The following CELF2 variants were observed in gnomAD, a reference collection of about 807,000 sequenced individuals.
CELF2 encodes CUG triplet repeat RNA-binding protein 2.
CELF2 carries 8 observed loss-of-function variants against 62.6 expected under a neutral mutation model. The observed-to-expected ratio is 0.13, with a 90% CI of 0.07 to 0.23. CELF2 has a LOEUF of 0.23. Among genes scored for constraint, CELF2 ranks in the 10% least tolerant of loss-of-function variants. The pLI is 1.00. For missense variants in CELF2, 333 were observed against 671.0 expected (o/e 0.50, Z 5.56); for synonymous variants, 258 against 250.0 (o/e 1.03, Z -0.30).
In CELF2 at chr10:11,017,983, C is replaced by T; in HGVS notation, c.-107C>T. ...GTGACAAGTGCCGGCTCGGCGGCCG[C>T]CGGGGGAGGCCGCGCGCACCTGTCC... is the stretch of plus-strand genomic sequence containing the variant. On this transcript the variant is annotated 5_prime_UTR_variant, in exon 1 of 13. Transcript: ENST00000633077. The surrounding 1 kb of genome is among the most constrained non-coding windows in gnomAD (Gnocchi z 5.5). The T allele has an allele frequency of 1.0e-6, 1 of 992,326 alleles. No individual in the cohort carries two copies. Among genetic ancestry groups the T allele is most frequent in the South Asian group, 4.6e-5 (1 of 21,936 alleles). The allele number at this position is 992,326 out of a possible 1,614,324, so 61.5% of individuals were successfully genotyped here. A position where few individuals can be genotyped will look rare whatever the true frequency, so the allele number is the denominator to read the frequency against.
At chr10:10,878,041 G>A (rs1182324404) in intron 1 of CELF2, among the ~76,000 whole-genome samples, 1 of 152,184 alleles carries the variant, frequency 6.6e-6, no homozygotes, top group African/African-American at 2.4e-5. Flanking sequence ...GAGGGGACCA[G>A]TGGACCTCCC....
the CELF2 span, among the ~76,000 whole-genome samples, chr10:10,470,789 C>A: frequency 4.0e-5 from 6 of 150,644 alleles, no homozygotes; most frequent in African/African-American, 1.5e-4. Context: ...CTTTCTTTTG[C>A]CATCTAGTAT....
At chr10:11,168,268 C>G (rs1297573980) in intron 2 of CELF2, among the ~76,000 whole-genome samples, 1 of 152,148 alleles carries the variant, frequency 6.6e-6, no homozygotes, top group African/African-American at 2.4e-5. Context: ...ACTGTGAACT[C>G]CAAGTCTCAC....
the CELF2 span, among the ~76,000 whole-genome samples, chr10:10,547,690 AGAGTGT>A: frequency 4.3e-4 from 57 of 131,118 alleles, no homozygotes; most frequent in South Asian, 5.5e-3. Context: ...AGAGAGAGAG[AGAGTGT>A]GTGTGTGTGT....
chr10:11,015,176 A>G (rs2057075212), upstream of CELF2, among the ~76,000 whole-genome samples: 1 of 152,218 alleles, frequency 6.6e-6, no homozygotes, highest in Non-Finnish European at 1.5e-5. The surrounding 1 kb of genome is among the most constrained non-coding windows in gnomAD (Gnocchi z 4.8). Context: ...ATGAAAATTA[A>G]AAAAGGGGCC....
At position 11,260,598 on chromosome 10, in the gene CELF2, A is replaced by G. The variant is rs1420788194; in HGVS notation, c.538+2726A>G. On this transcript the variant is annotated intron_variant, in intron 5 of 12. Transcript: ENST00000633077. The surrounding 1 kb of genome is among the most constrained non-coding windows in gnomAD (Gnocchi z 4.2). ...TGGGGAGCAGTCTCATCAATATTTT[A>G]TGCAAACGCTGGCTCAGTGGAAAGA... Among the ~76,000 whole-genome samples, 2 of 151,784 alleles carry G rather than the reference A, an allele frequency of 1.3e-5. No homozygotes were observed. Among genetic ancestry groups the G allele is most frequent in the Admixed American group, 6.6e-5 (1 of 15,260 alleles).
the CELF2 span, among the ~76,000 whole-genome samples, chr10:10,780,444 CAG>C: frequency 1.4e-5 from 2 of 145,588 alleles, no homozygotes; most frequent in Non-Finnish European, 3.0e-5. Flanking sequence ...ACAGTGATAA[CAG>C]AGGGAAACGT....
intron 2 of CELF2, among the ~76,000 whole-genome samples, chr10:11,172,550 T>C (rs2069272704): frequency 6.6e-6 from 1 of 152,234 alleles, no homozygotes; most frequent in East Asian, 1.9e-4. Context: ...AAATGCCCCA[T>C]ACTCTGGTGA....
At chr10:11,078,710 G>C (rs1229201471) in intron 1 of CELF2, among the ~76,000 whole-genome samples, 1 of 152,146 alleles carries the variant, frequency 6.6e-6, no homozygotes, top group Non-Finnish European at 1.5e-5. Context: ...TTCATGCACG[G>C]CTTGCAGAAA....
At chr10:10,493,672 C>T in the CELF2 span, among the ~76,000 whole-genome samples, 1 of 152,020 alleles carries the variant, frequency 6.6e-6, no homozygotes, top group Non-Finnish European at 1.5e-5. Context: ...GCTGGGATTA[C>T]AGGTGCCTGA....
chr10:11,242,263 A>ATCACT lies in CELF2; in HGVS notation c.355-6890_355-6889insTCACT, dbSNP rs2074154959. 6.6e-6 allele frequency among the ~76,000 whole-genome samples: 1 copy of ATCACT among 152,200 alleles called. No individual in the cohort carries two copies. Among genetic ancestry groups the ATCACT allele is most frequent in the Non-Finnish European group, 1.5e-5 (1 of 68,040 alleles). On this transcript the variant is annotated intron_variant, in intron 3 of 12. Coordinates refer to ENST00000633077, the MANE Select transcript of CELF2 (RefSeq NM_001326342.2). This position sits in a 1 kb window ranked among gnomAD's most constrained non-coding sequence, Gnocchi z 4.8. ...GGCATGTTTTATTGAATCTCATGTT[A>ATCACT]AAGGTGGTTAACTCATCAATTGGTG...
chr10:11,136,549 A>G (rs572425926), intron 1 of CELF2, among the ~76,000 whole-genome samples: 1 of 152,322 alleles, frequency 6.6e-6, no homozygotes, highest in East Asian at 1.9e-4. Flanking sequence ...GGTTGCAGTG[A>G]GCTGAGATTG....
intron 1 of CELF2, among the ~76,000 whole-genome samples, chr10:10,823,420 GA>G (rs1290562367): frequency 1.3e-5 from 2 of 152,152 alleles, no homozygotes; most frequent in African/African-American, 4.8e-5. Context: ...CTGGCTGTAG[GA>G]ATGGCTATTC....
In CELF2 at chr10:11,005,709, T is replaced by C. The variant is rs905614186; in HGVS notation, c.53+269T>C. On this transcript the variant is annotated intron_variant, in intron 1 of 12. Coordinates refer to the CELF2 transcript ENST00000416382. The surrounding 1 kb of genome is among the most constrained non-coding windows in gnomAD (Gnocchi z 4.3). ...TCATGTATTTGCTCACTGCTATTTG[T>C]GAGTGGCCAGTGGATAATTTTAAGG... Among the ~76,000 whole-genome samples the C allele has an allele frequency of 2.6e-5, 4 of 152,232 alleles. No individual in the cohort carries two copies. The highest frequency in any genetic ancestry group is 9.6e-5 in the African/African-American group (4 of 41,464).
intron 1 of CELF2, among the ~76,000 whole-genome samples, chr10:11,097,082 A>G (rs941570395): frequency 6.6e-6 from 1 of 152,216 alleles, no homozygotes; most frequent in Non-Finnish European, 1.5e-5. Context: ...TCTTCCTCAC[A>G]AAATTCTCCT....
chr10:10,978,960 C>T (rs1057485721), intron 2 of CELF2, among the ~76,000 whole-genome samples: 3 of 152,160 alleles, frequency 2.0e-5, no homozygotes, highest in Non-Finnish European at 4.4e-5. Context: ...TCTGTGTTGA[C>T]CTTGTAGCCC....
chr10:10,699,420 G>A, the CELF2 span, among the ~76,000 whole-genome samples: 1 of 152,214 alleles, frequency 6.6e-6, no homozygotes, highest in Non-Finnish European at 1.5e-5. Context: ...TTCATACACA[G>A]TTTTTGTCCT....
chr10:10,803,238 G>A (rs1333471578), intron 1 of CELF2, among the ~76,000 whole-genome samples: 2 of 152,152 alleles, frequency 1.3e-5, no homozygotes, highest in Non-Finnish European at 2.9e-5. Flanking sequence ...CAGATTCTGT[G>A]ACTTCCCTAC....
chr10:11,257,446 C>T, intron 4 of CELF2: 1 of 255,840 alleles, frequency 3.9e-6, no homozygotes, highest in Non-Finnish European at 7.9e-6. Flanking sequence ...CAGCGCATTA[C>T]TGTTAGTTTC....
Sources: gnomAD v4.1 joint callset for allele counts (sites outside exome capture counted in the v4.1 genomes callset) on GRCh38, gnomAD v4.1.1 for gene constraint, Gnocchi (gnomAD v3.1) non-coding constraint, MANE v1.5 for transcripts, NCBI Gene and HGNC (gene_info 2026-07-23, HGNC 2026-07-21) for gene names.